Variants in ATXN2 observed in about 807,000 individuals in gnomAD.
The protein encoded by ATXN2 is ataxin 2.
A neutral mutation model predicts 138.6 loss-of-function variants in ATXN2; 37 were observed. The ratio of observed to expected loss-of-function variants is 0.27; its 90% confidence interval spans 0.21 to 0.35. ATXN2 has a LOEUF of 0.35. Ranked by LOEUF, ATXN2 falls within the 10% of genes least tolerant of loss-of-function variation. The pLI is 1.00. For missense variants in ATXN2, 1,216 were observed against 1,480.3 expected, an observed-to-expected ratio of 0.82 and a Z score of 2.93; for synonymous variants, 549 against 543.7, an observed-to-expected ratio of 1.01 and a Z score of -0.13.
chr12:111,460,896 C>CAT (rs1327254787), intron 21 of ATXN2, among the ~76,000 whole-genome samples: 2 of 152,050 alleles, frequency 1.3e-5, no homozygotes, highest in Admixed American at 6.6e-5. Context: ...AATTTGCATG[C>CAT]ATAGCACAAA....
chr12:111,595,137 T>C (rs748042770), intron 1 of ATXN2, among the ~76,000 whole-genome samples: 7 of 152,138 alleles, frequency 4.6e-5, no homozygotes, highest in Admixed American at 6.6e-5. Context: ...TTCTTGACAC[T>C]GGAAGTAATA....
intron 1 of ATXN2, among the ~76,000 whole-genome samples, chr12:111,581,063 G>A (rs931263846): frequency 6.7e-6 from 1 of 150,308 alleles, no homozygotes; most frequent in African/African-American, 2.5e-5. Context: ...TTGAACCCAG[G>A]AGGTGGAGGT....
Position 111,453,834 on chromosome 12 carries a change from C to G in ATXN2, c.3282G>C (p.Gln1094His). 1 of 1,612,284 alleles carries G rather than the reference C, an allele frequency of 6.2e-7. No homozygotes were observed. The highest frequency in any genetic ancestry group is 8.5e-7 in the Non-Finnish European group (1 of 1,179,032). The change falls in exon 24 of 25, where the codon CAG (glutamine) becomes CAC (histidine). Residue 1094 changes from glutamine to histidine, a missense_variant. Gln to His is a conservative substitution (Grantham distance 24, BLOSUM62 0). Coordinates refer to ENST00000673436, the MANE Select transcript of ATXN2 (RefSeq NM_001372574.1). The surrounding 1 kb of genome is among the most constrained non-coding windows in gnomAD (Gnocchi z 5.4). Reference protein sequence around the residue: ...HMAHVPQAHVQSGMVPSHPTA... With the variant: ...HMAHVPQAHVHSGMVPSHPTA... ...TTGGATGAGAAGGAACCATTCCTGA[C>G]TGTACATGAGCCTGAAACAGAGAGC... is the stretch of plus-strand genomic sequence containing the variant.
At chr12:111,470,332 G>A (rs1434917592) in intron 19 of ATXN2, 92 bp from the exon 20 acceptor site, 5 of 1,463,146 alleles carry the variant, frequency 3.4e-6, no homozygotes, top group Non-Finnish European at 3.7e-6. Flanking sequence ...ATGGTTTCCA[G>A]ATTTCCAGAA....
chr12:111,544,881 C>G (rs1343476131), intron 5 of ATXN2, among the ~76,000 whole-genome samples: 1 of 152,110 alleles, frequency 6.6e-6, no homozygotes, highest in African/African-American at 2.4e-5. Context: ...CCTTTTGGGC[C>G]CAGTGCGGTG....
intron 5 of ATXN2, among the ~76,000 whole-genome samples, chr12:111,551,903 C>T (rs868524863): frequency 2.0e-5 from 3 of 149,012 alleles, no homozygotes; most frequent in Admixed American, 6.7e-5. Context: ...TTTTTTGAAA[C>T]GGAGTCTTGC....
At chr12:111,572,605 G>A (rs906619534) in intron 1 of ATXN2, among the ~76,000 whole-genome samples, 27 of 152,090 alleles carry the variant, frequency 1.8e-4, no homozygotes, top group Admixed American at 1.7e-3. Context: ...TTAATGTATC[G>A]CAGTAATTAA....
chr12:111,594,910 C>A (rs1293729425), intron 1 of ATXN2, among the ~76,000 whole-genome samples: 1 of 152,154 alleles, frequency 6.6e-6, no homozygotes, highest in African/African-American at 2.4e-5. Context: ...CAAGTACCCT[C>A]ATTAATAATA....
At chr12:111,543,602 T>G (rs1881650388) in intron 5 of ATXN2, among the ~76,000 whole-genome samples, 1 of 152,134 alleles carries the variant, frequency 6.6e-6, no homozygotes, top group African/African-American at 2.4e-5. Context: ...CCAGGCTAAT[T>G]TTTTTTGTAA....
chr12:111,512,702 C>CA (rs1300686346), intron 11 of ATXN2: 5 of 152,128 alleles, frequency 3.3e-5, no homozygotes, highest in African/African-American at 1.2e-4. Flanking sequence ...GTGATCCGCC[C>CA]ACCTCAGCCT....
chr12:111,547,480 C>T (rs2135779770), intron 5 of ATXN2, among the ~76,000 whole-genome samples: 1 of 151,788 alleles, frequency 6.6e-6, no homozygotes, highest in East Asian at 2.0e-4. Flanking sequence ...GATCCCAGCA[C>T]TTTGGGAGGC....
chr12:111,532,989 G>A (rs1053619146), intron 5 of ATXN2, among the ~76,000 whole-genome samples: 1 of 152,190 alleles, frequency 6.6e-6, no homozygotes, highest in African/African-American at 2.4e-5. Context: ...GGAGTAGACA[G>A]AGTTTAAGAT....
At position 111,464,644 on chromosome 12, in the gene ATXN2, A is replaced by AT. The variant is rs1351618473; in HGVS notation, c.2896+17dup. On this transcript the variant is annotated intron_variant, in intron 21 of 24. Transcript: ENST00000673436. ...TTTTACTGTACAATTAAAAATTAGT[A>AT]TAAAAAACCCAACTCACTGGCAAAG... is the stretch of plus-strand genomic sequence containing the variant. 1.9e-6 allele frequency: 3 copies of AT among 1,589,408 alleles called. No homozygotes were observed. Among genetic ancestry groups the AT allele is most frequent in the Middle Eastern group, 3.3e-4 (2 of 6,026 alleles).
chr12:111,558,395 A>G (rs1213472794), intron 1 of ATXN2, among the ~76,000 whole-genome samples: 3 of 152,238 alleles, frequency 2.0e-5, no homozygotes, highest in African/African-American at 4.8e-5. Flanking sequence ...TATATTTATG[A>G]TTAGATAGAT....
chr12:111,486,719 T>C, intron 16 of ATXN2, 42 bp downstream of exon 16: 1 of 1,545,816 alleles, frequency 6.5e-7, no homozygotes, highest in Non-Finnish European at 8.9e-7. Flanking sequence ...TAATTTTTCT[T>C]TTTTTGGGAC....
intron 20 of ATXN2, chr12:111,469,354 T>C (rs1159994354): frequency 2.0e-5 from 3 of 152,232 alleles, no homozygotes; most frequent in African/African-American, 7.2e-5. Context: ...TTCTGTATCA[T>C]AAGATATACA....
In ATXN2 at chr12:111,520,914, C is replaced by T; in HGVS notation, c.756G>A (p.Val252=). The change falls in exon 7 of 25, where the codon GTG becomes GTA. Residue 252 remains valine (V), a synonymous_variant. Coordinates refer to ENST00000673436, the MANE Select transcript of ATXN2 (RefSeq NM_001372574.1). ...AAGATAAACTGCTATCATACGTAGA[C>T]ACTACACCATAATTTTCTTCATTAT... ...FRYNEENYGV[V]STYDSSLSSY... 2 of 1,599,898 alleles carry T rather than the reference C, an allele frequency of 1.3e-6. No homozygotes were observed. Among genetic ancestry groups the T allele is most frequent in the South Asian group, 2.2e-5 (2 of 89,112 alleles).
intron 5 of ATXN2, among the ~76,000 whole-genome samples, chr12:111,526,800 A>G (rs16941551): frequency 0.1 from 15,561 of 152,202 alleles, 2,655 homozygotes; most frequent in African/African-American, 0.35. Flanking sequence ...AACTTTCCAT[A>G]TTCATGTCTA....
At chr12:111,482,547 C>T (rs1042263438) in intron 18 of ATXN2, among the ~76,000 whole-genome samples, 1 of 152,052 alleles carries the variant, frequency 6.6e-6, no homozygotes, top group Non-Finnish European at 1.5e-5. Context: ...TAGAATGTGA[C>T]TCTCCCATCA....
Sources: allele counts gnomAD v4.1 joint callset (sites outside exome capture counted in the v4.1 genomes callset), GRCh38; gene constraint gnomAD v4.1.1; non-coding constraint Gnocchi (gnomAD v3.1); transcripts MANE v1.5; gene names NCBI Gene and HGNC (gene_info 2026-07-23, HGNC 2026-07-21).